The following TOM1L1 variants were observed in gnomAD, a reference collection of about 807,000 sequenced individuals.
The protein encoded by TOM1L1 is target of myb1 like 1 membrane trafficking protein.
A neutral mutation model predicts 63.4 loss-of-function variants in TOM1L1; 64 were observed. The ratio of observed to expected loss-of-function variants is 1.01; its 90% CI spans 0.83 to 1.24. The LOEUF is 1.24. Among genes scored for constraint, TOM1L1 ranks in the 50% most tolerant of loss-of-function variants. The pLI is 0.00. For missense variants in TOM1L1, 536 were observed against 567.0 expected (o/e 0.95, Z 0.55); for synonymous variants, 166 against 194.4 (o/e 0.85, Z 1.22).
At chr17:54,915,985 G>A (rs2934935) in intron 7 of TOM1L1, 123 bp downstream of exon 7, 592,158 of 593,732 alleles carry the variant, frequency 1, 295,326 homozygotes, top group Middle Eastern at 1. Flanking sequence ...CCTGATTTCA[G>A]TTGATTTCTA....
chr17:54,946,357 G>C (rs1016566094), intron 11 of TOM1L1, among the ~76,000 whole-genome samples: 7 of 151,984 alleles, frequency 4.6e-5, no homozygotes. Flanking sequence ...TGCTTCTCCA[G>C]TCATAAAGCT....
chr17:54,955,379 T>A (rs1343042615), intron 14 of TOM1L1, among the ~76,000 whole-genome samples: 1 of 152,194 alleles, frequency 6.6e-6, no homozygotes, highest in Non-Finnish European at 1.5e-5. Flanking sequence ...ACACTGTTCA[T>A]GTAACCTTTG....
intron 11 of TOM1L1, among the ~76,000 whole-genome samples, chr17:54,941,200 T>C (rs1716258935): frequency 6.6e-6 from 1 of 152,234 alleles, no homozygotes. Flanking sequence ...TAACATACTT[T>C]GGCAGTGTGT....
At chr17:54,906,433 T>G (rs1013107881) in intron 3 of TOM1L1, among the ~76,000 whole-genome samples, 1 of 144,076 alleles carries the variant, frequency 6.9e-6, no homozygotes, top group Non-Finnish European at 1.5e-5. Context: ...CGCACCACTG[T>G]CCTCCAGTCC....
chr17:54,955,866 C>T (rs976334403), intron 14 of TOM1L1, among the ~76,000 whole-genome samples: 3 of 152,194 alleles, frequency 2.0e-5, no homozygotes, highest in Admixed American at 1.3e-4. Flanking sequence ...TCTAGGCAGC[C>T]GCTTCTACTC....
intron 13 of TOM1L1, 103 bp from the exon 14 acceptor site, chr17:54,949,942 T>C (rs2049185679): frequency 1.1e-6 from 1 of 924,792 alleles, no homozygotes; most frequent in Admixed American, 2.4e-5. Context: ...TGGTTGTGTT[T>C]ATTAGGATCT....
At chr17:54,944,814 G>A (rs2049091378) in intron 11 of TOM1L1, among the ~76,000 whole-genome samples, 1 of 152,238 alleles carries the variant, frequency 6.6e-6, no homozygotes, top group South Asian at 2.1e-4. Flanking sequence ...GGTTCTGTCT[G>A]CTTTAAATAA....
intron 1 of TOM1L1, 60 bp downstream of exon 1, chr17:54,900,983 T>A: frequency 6.2e-7 from 1 of 1,607,158 alleles, no homozygotes. Flanking sequence ...CCTTTCCTGC[T>A]TGATCCATTC....
chr17:54,909,417 A>G (rs1366697267), intron 3 of TOM1L1, among the ~76,000 whole-genome samples: 1 of 152,102 alleles, frequency 6.6e-6, no homozygotes, highest in Non-Finnish European at 1.5e-5. Context: ...TGTAGCTCTG[A>G]TGGCCCTGAA....
intron 3 of TOM1L1, among the ~76,000 whole-genome samples, chr17:54,907,809 C>T (rs1274478027): frequency 6.6e-6 from 1 of 152,158 alleles, no homozygotes; most frequent in East Asian, 1.9e-4. Flanking sequence ...TCTATTTCAG[C>T]ATGGGGTATT....
chr17:54,904,369 C>CA (rs1165559722), intron 2 of TOM1L1, among the ~76,000 whole-genome samples: 2,463 of 77,564 alleles, frequency 0.032, 49 homozygotes, highest in African/African-American at 0.068. Flanking sequence ...GACTCTATCT[C>CA]AAAAAAAAAA....
chr17:54,904,369 C>CAA (rs1165559722), intron 2 of TOM1L1, among the ~76,000 whole-genome samples: 96 of 78,100 alleles, frequency 1.2e-3, no homozygotes, highest in African/African-American at 3.1e-3. Flanking sequence ...GACTCTATCT[C>CAA]AAAAAAAAAA....
chr17:54,961,419 A>G lies in TOM1L1; in HGVS notation c.*186A>G. ...CAGGATAACACTGATTCCTGACAAC[A>G]GCGTGAGATTTCAACAGAACTTGTT... On this transcript the variant is annotated 3_prime_UTR_variant, in exon 16 of 16. Coordinates refer to ENST00000575882, the MANE Select transcript of TOM1L1 (RefSeq NM_005486.3). 2 of 1,523,984 alleles carry G rather than the reference A, an allele frequency of 1.3e-6. No individual in the cohort carries two copies. 94.4% of individuals were successfully genotyped at this position (1,523,984 alleles called of 1,614,324 possible).
intron 13 of TOM1L1, 78 bp downstream of exon 13, chr17:54,949,701 C>A: frequency 1.7e-6 from 2 of 1,202,586 alleles, no homozygotes; most frequent in Non-Finnish European, 2.5e-6. Flanking sequence ...TCATTGGTAA[C>A]TGAAAATAGG....
At chr17:54,910,858 G>A (rs1302520629) in intron 3 of TOM1L1, among the ~76,000 whole-genome samples, 6 of 152,046 alleles carry the variant, frequency 3.9e-5, no homozygotes, top group African/African-American at 9.7e-5. Flanking sequence ...TAACTTAAAC[G>A]CTATATGCTG....
intron 14 of TOM1L1, among the ~76,000 whole-genome samples, chr17:54,958,979 A>G (rs549447382): frequency 6.6e-6 from 1 of 152,168 alleles, no homozygotes; most frequent in Non-Finnish European, 1.5e-5. Flanking sequence ...AATAATGGAC[A>G]ATACAAATGA....
At chr17:54,939,342 A>C (rs1335432112) in intron 11 of TOM1L1, among the ~76,000 whole-genome samples, 2 of 152,190 alleles carry the variant, frequency 1.3e-5, no homozygotes, top group Non-Finnish European at 2.9e-5. Context: ...GCGATATAGC[A>C]CTTGGTACAT....
At chr17:54,915,178 A>G (rs1008857699) in intron 6 of TOM1L1, among the ~76,000 whole-genome samples, 17 of 152,226 alleles carry the variant, frequency 1.1e-4, no homozygotes, top group African/African-American at 4.1e-4. Context: ...CCGATAAACA[A>G]TTATTATATG....
intron 11 of TOM1L1, among the ~76,000 whole-genome samples, chr17:54,943,809 T>C (rs1395285496): frequency 6.6e-6 from 1 of 151,774 alleles, no homozygotes; most frequent in Non-Finnish European, 1.5e-5. Context: ...AAACCCTGTC[T>C]CTACTACAAA....
Sources: allele counts gnomAD v4.1 joint callset (sites outside exome capture counted in the v4.1 genomes callset), GRCh38; gene constraint gnomAD v4.1.1; transcripts MANE v1.5; gene names NCBI Gene and HGNC (gene_info 2026-07-23, HGNC 2026-07-21).